Variants in ZMAT4 observed in about 807,000 individuals in gnomAD.
ZMAT4 encodes the protein zinc finger matrin-type 4.
A neutral mutation model predicts 28.7 loss-of-function variants in ZMAT4; 17 were observed. The observed-to-expected ratio is 0.59, with a 90% CI of 0.41 to 0.89. ZMAT4 has a LOEUF of 0.89. Ranked by LOEUF, ZMAT4 falls within the 40% of genes least tolerant of loss-of-function variation. The pLI is 0.00. For synonymous variants in ZMAT4, 117 were observed against 109.2 expected, an observed-to-expected ratio of 1.07 and a Z score of -0.44; for missense variants, 240 against 283.8, an observed-to-expected ratio of 0.85 and a Z score of 1.11.
chr8:40,722,252 A>G (rs1811133372), intron 3 of ZMAT4, among the ~76,000 whole-genome samples: 1 of 152,192 alleles, frequency 6.6e-6, no homozygotes, highest in East Asian at 1.9e-4. Context: ...ACAAAATGGG[A>G]GAAAATTTTC....
At chr8:40,596,989 G>A (rs550918196) in intron 5 of ZMAT4, among the ~76,000 whole-genome samples, 1 of 152,254 alleles carries the variant, frequency 6.6e-6, no homozygotes, top group South Asian at 2.1e-4. Flanking sequence ...TATGGCTTCT[G>A]AGCCTCATTT....
intron 3 of ZMAT4, among the ~76,000 whole-genome samples, chr8:40,759,438 G>A (rs1298165699): frequency 1.3e-5 from 2 of 152,170 alleles, no homozygotes; most frequent in Non-Finnish European, 2.9e-5. Flanking sequence ...GAGCCCTCAT[G>A]AATGGGATTA....
chr8:40,845,793 A>G (rs1181135210), intron 1 of ZMAT4, among the ~76,000 whole-genome samples: 1 of 93,088 alleles, frequency 1.1e-5, no homozygotes, highest in South Asian at 4.4e-4. Flanking sequence ...AAAAAAAAAA[A>G]AAAAGAGAGA....
At chr8:40,701,634 C>G (rs987210851) in intron 3 of ZMAT4, among the ~76,000 whole-genome samples, 2 of 149,184 alleles carry the variant, frequency 1.3e-5, no homozygotes, top group Non-Finnish European at 1.5e-5. Flanking sequence ...TCTCCCATCT[C>G]AGCCTCCTGA....
chr8:40,736,878 G>C (rs1333684652), intron 3 of ZMAT4, among the ~76,000 whole-genome samples: 3 of 150,402 alleles, frequency 2.0e-5, no homozygotes, highest in Middle Eastern at 3.4e-3. Context: ...GAAAATAGGG[G>C]TAAAAGTGAG....
At chr8:40,600,035 C>T (rs1423528913) in intron 5 of ZMAT4, among the ~76,000 whole-genome samples, 6 of 152,200 alleles carry the variant, frequency 3.9e-5, no homozygotes, top group Non-Finnish European at 7.3e-5. Context: ...GAACTAAAAA[C>T]TGCTTCAAAC....
rs35063800 is a variant in ZMAT4 at position 40,676,591 on chromosome 8, G to T, written c.350-1660C>A. ...TAACTTTTAGGTGGACTTTTTTTTT[G>T]ATTAAATAACTTATATAGAAACAAA... is the stretch of plus-strand genomic sequence containing the variant. On this transcript the variant is annotated intron_variant, in intron 4 of 6. Transcript: ENST00000297737. 1.0e-2 allele frequency among the ~76,000 whole-genome samples: 1,512 copies of T among 151,894 alleles called. 12 individuals are homozygous for T. The highest frequency in any genetic ancestry group is 0.017 in the East Asian group (86 of 5,168).
At chr8:40,888,109 C>G (rs191679068) in intron 1 of ZMAT4, among the ~76,000 whole-genome samples, 226 of 152,314 alleles carry the variant, frequency 1.5e-3, no homozygotes, top group Middle Eastern at 0.01. Context: ...TGAATACACC[C>G]TTGGACCCAA....
chr8:40,811,752 T>C (rs1324876766), intron 2 of ZMAT4, among the ~76,000 whole-genome samples: 1 of 152,134 alleles, frequency 6.6e-6, no homozygotes, highest in African/African-American at 2.4e-5. Context: ...TGCAGGAACA[T>C]GGATGGCTTT....
At chr8:40,538,723 C>T (rs1315073649) in intron 6 of ZMAT4, among the ~76,000 whole-genome samples, 2 of 152,014 alleles carry the variant, frequency 1.3e-5, no homozygotes, top group Non-Finnish European at 2.9e-5. Flanking sequence ...TCCCCTTTTC[C>T]TCTCGCCCCT....
chr8:40,765,369 G>T lies in ZMAT4; in HGVS notation c.192+2272C>A, dbSNP rs74458056. 3.9e-3 allele frequency among the ~76,000 whole-genome samples: 596 copies of T among 152,232 alleles called. 4 individuals carry two copies. Among genetic ancestry groups the T allele is most frequent in the African/African-American group, 0.014 (567 of 41,552 alleles). ...GTCCAATAGATCAAAATGCATAGCG[G>T]AAAGTATATATTCACCTACAAATGT... is the stretch of plus-strand genomic sequence containing the variant. On this transcript the variant is annotated intron_variant, in intron 3 of 6. Coordinates refer to ENST00000297737, the MANE Select transcript of ZMAT4 (RefSeq NM_024645.3).
intron 2 of ZMAT4, among the ~76,000 whole-genome samples, chr8:40,810,038 C>T (rs765528693): frequency 5.1e-4 from 77 of 151,996 alleles, no homozygotes; most frequent in Non-Finnish European, 9.7e-4. Context: ...AGCTAAACTC[C>T]GTCTTAAAAC....
rs536573875 is a variant in ZMAT4 at position 40,808,369 on chromosome 8, C to T, written c.102+17206G>A. ...CAAAGAAAATGTGGTAATGAAAATG[C>T]AGCTTAAGGGTGAATTTGGAAAAAA... is the stretch of plus-strand genomic sequence containing the variant. On this transcript the variant is annotated intron_variant, in intron 2 of 6. Transcript: ENST00000297737. 5 of 280,766 alleles carry T rather than the reference C, an allele frequency of 1.8e-5. No homozygotes were observed. The East Asian group carries it at 4.8e-4, about 27-fold the overall frequency. The allele number at this position is 280,766 out of a possible 1,614,324, so 17.4% of individuals were successfully genotyped here.
At chr8:40,740,584 T>C (rs1360987311) in intron 3 of ZMAT4, among the ~76,000 whole-genome samples, 1 of 152,236 alleles carries the variant, frequency 6.6e-6, no homozygotes, top group Non-Finnish European at 1.5e-5. Flanking sequence ...TCGGTTTTTA[T>C]TGGTGTCAGA....
At chr8:40,851,517 G>A (rs940600184) in intron 1 of ZMAT4, among the ~76,000 whole-genome samples, 3 of 152,134 alleles carry the variant, frequency 2.0e-5, no homozygotes, top group African/African-American at 7.2e-5. Flanking sequence ...CCATAGTCAG[G>A]TAAGATGTTA....
chr8:40,639,263 A>G (rs1806915992), intron 5 of ZMAT4, among the ~76,000 whole-genome samples: 1 of 152,124 alleles, frequency 6.6e-6, no homozygotes, highest in Non-Finnish European at 1.5e-5. Context: ...AGTTATGAAA[A>G]TTGGGGATAT....
intron 3 of ZMAT4, among the ~76,000 whole-genome samples, chr8:40,704,874 A>G (rs1386109102): frequency 2.0e-5 from 3 of 152,218 alleles, no homozygotes; most frequent in Non-Finnish European, 4.4e-5. Context: ...TATAACTGCA[A>G]TGACATGTTA....
intron 5 of ZMAT4, among the ~76,000 whole-genome samples, chr8:40,601,780 G>A (rs188055999): frequency 9.1e-4 from 139 of 152,170 alleles, no homozygotes; most frequent in African/African-American, 2.9e-3. Context: ...GAGAGACTAG[G>A]GACCCTATAA....
chr8:40,691,482 A>T (rs556177527), intron 4 of ZMAT4, among the ~76,000 whole-genome samples: 1 of 152,000 alleles, frequency 6.6e-6, no homozygotes, highest in East Asian at 1.9e-4. Context: ...ACCGTGTTCA[A>T]CCTCAGCTGG....
Sources: gnomAD v4.1 joint callset for allele counts (sites outside exome capture counted in the v4.1 genomes callset) on GRCh38, gnomAD v4.1.1 for gene constraint, MANE v1.5 for transcripts, NCBI Gene and HGNC (gene_info 2026-07-23, HGNC 2026-07-21) for gene names.